Variants in BHMT2 observed in about 807,000 individuals in gnomAD.
BHMT2 encodes the protein betaine--homocysteine S-methyltransferase 2, also known as S-methylmethionine--homocysteine S-methyltransferase BHMT2.
Under a neutral mutation model 39.0 loss-of-function variants are expected in BHMT2, and 28 were observed. The observed-to-expected ratio is 0.72, with a 90% CI of 0.53 to 0.98. The LOEUF is 0.98. Ranked by LOEUF, BHMT2 falls within the 50% of genes least tolerant of loss-of-function variation. The pLI is 0.00. For missense variants in BHMT2, 410 were observed against 455.6 expected, an observed-to-expected ratio of 0.90 and a Z score of 0.91; for synonymous variants, 145 against 160.6, an observed-to-expected ratio of 0.90 and a Z score of 0.74.
Position 79,082,946 on chromosome 5 carries a change from G to A in BHMT2, c.588G>A (p.Leu196=). 1 of 1,614,164 alleles carries A rather than the reference G, an allele frequency of 6.2e-7. No individual in the cohort carries two copies. The highest frequency in any genetic ancestry group is 8.5e-7 in the Non-Finnish European group (1 of 1,180,034). Residue 196 remains leucine (L), a synonymous_variant, in exon 5 of 8, where the codon CTG becomes CTA. Coordinates refer to ENST00000255192, the MANE Select transcript of BHMT2 (RefSeq NM_017614.5). ...DITPGECAVR[L]VKAGASIVGV... Reference sequence around the variant, plus strand: ...CCCCCGGAGAATGTGCTGTGAGGCTGGTGAAGGCAGGTAATTTGGACCCAT... The same window carrying A: ...CCCCCGGAGAATGTGCTGTGAGGCTAGTGAAGGCAGGTAATTTGGACCCAT...
At chr5:79,077,735 A>G in intron 2 of BHMT2, 123 bp downstream of exon 2, 1 of 1,202,466 alleles carries the variant, frequency 8.3e-7, no homozygotes, top group Non-Finnish European at 1.2e-6. Flanking sequence ...AAGATTGCCA[A>G]GATGTGGAGA....
At chr5:79,076,228 G>A (rs1354958748) in intron 1 of BHMT2, among the ~76,000 whole-genome samples, 1 of 152,156 alleles carries the variant, frequency 6.6e-6, no homozygotes, top group East Asian at 1.9e-4. Flanking sequence ...ATTACCCCTG[G>A]CTGAATTCCA....
chr5:79,088,601 A>G lies in BHMT2; in HGVS notation c.*27A>G. On this transcript the variant is annotated 3_prime_UTR_variant, in exon 8 of 8. Coordinates refer to ENST00000255192, the MANE Select transcript of BHMT2 (RefSeq NM_017614.5). ...GAGTAGTGAAAGAAAACCCTGAAATAATCGAACAGGAAAAAGTTGCCCTCA... is the reference window on the plus strand; with the variant it reads ...GAGTAGTGAAAGAAAACCCTGAAATGATCGAACAGGAAAAAGTTGCCCTCA... The G allele has an allele frequency of 6.2e-7, 1 of 1,604,452 alleles. No individual in the cohort carries two copies. Among genetic ancestry groups the G allele is most frequent in the East Asian group, 2.2e-5 (1 of 44,774 alleles).
chr5:79,078,602 C>T (rs1755722834), intron 2 of BHMT2, among the ~76,000 whole-genome samples: 1 of 152,246 alleles, frequency 6.6e-6, no homozygotes, highest in Non-Finnish European at 1.5e-5. Context: ...GGGGGCACAA[C>T]ATGGGCTAGG....
chr5:79,079,967 A>G (rs1006962033), intron 3 of BHMT2, among the ~76,000 whole-genome samples: 2 of 152,238 alleles, frequency 1.3e-5, no homozygotes, highest in Non-Finnish European at 2.9e-5. Flanking sequence ...GGTCAGGACT[A>G]GGGGTAAAAT....
chr5:79,087,819 T>C (rs1445634913), intron 7 of BHMT2, among the ~76,000 whole-genome samples: 1 of 152,206 alleles, frequency 6.6e-6, no homozygotes, highest in Non-Finnish European at 1.5e-5. Context: ...TCTCATTACA[T>C]TAAAATATTG....
rs577745151 is a variant in BHMT2, at chr5:79,078,645, G to A, written c.167-724G>A. 1.1e-4 allele frequency among the ~76,000 whole-genome samples: 16 copies of A among 152,360 alleles called. No individual in the cohort carries two copies. The South Asian group carries it at 3.3e-3, about 32-fold the overall frequency. On this transcript the variant is annotated intron_variant, in intron 2 of 7. Coordinates refer to ENST00000255192, the MANE Select transcript of BHMT2 (RefSeq NM_017614.5). ...ACTCACAAGTTAACCCGTGTGAAGTGCCCGTATCATCAGTACGATGGCCGT... is the reference window on the plus strand; with the variant it reads ...ACTCACAAGTTAACCCGTGTGAAGTACCCGTATCATCAGTACGATGGCCGT...
chr5:79,083,246 C>T lies in BHMT2; in HGVS notation c.653C>T (p.Thr218Met), dbSNP rs60797063. The T allele has an allele frequency of 1.5e-3, 2,345 of 1,614,138 alleles. 9 individuals carry two copies. The highest frequency in any genetic ancestry group is 9.2e-3 in the African/African-American group (690 of 75,040). Residue 218 changes from threonine to methionine, a missense_variant, in exon 6 of 8, where the codon ACG (threonine) becomes ATG (methionine). Thr to Met is a moderately conservative substitution (Grantham distance 81). Coordinates refer to ENST00000255192, the MANE Select transcript of BHMT2 (RefSeq NM_017614.5). ...CRFGPDTSLK[T>M]MELMKEGLEW... ...TTTGGGCCCGACACCAGCTTGAAGA[C>T]GATGGAGCTCATGAAGGAGGGTCTT...
In BHMT2 at chr5:79,082,718, G is replaced by A. The variant is rs113256849; in HGVS notation, c.451-91G>A. Reference sequence around the variant, plus strand: ...TATGCATATGTTTATATTCTATTTGGTAATTTTTATAACTGTTTTGCTATA... The same window carrying A: ...TATGCATATGTTTATATTCTATTTGATAATTTTTATAACTGTTTTGCTATA... On this transcript the variant is annotated intron_variant, in intron 4 of 7. Transcript: ENST00000255192. 24 of 1,449,030 alleles carry A rather than the reference G, an allele frequency of 1.7e-5. 1 individual carries two copies. In the African/African-American group the frequency reaches 2.8e-4, roughly 17 times the overall value. 89.8% of individuals were successfully genotyped at this position (1,449,030 alleles called of 1,614,324 possible).
In BHMT2 at chr5:79,089,562, ATCT is replaced by A. The variant is rs2112708702; in HGVS notation, c.*992_*994del. 1 of 152,314 alleles carries A rather than the reference ATCT, an allele frequency of 6.6e-6. No homozygotes were observed. The highest frequency in any genetic ancestry group is 2.4e-5 in the African/African-American group (1 of 41,582). The allele number at this position is 152,314 out of a possible 1,614,324, so 9.4% of individuals were successfully genotyped here. The stretch of plus-strand genomic sequence containing the variant: ...GACAAGATCACGTGATAAGCTTATA[ATCT>A]TCTCATAATTCCCCTTACTTAGCAT... On this transcript the variant is annotated 3_prime_UTR_variant, in exon 8 of 8. Coordinates refer to ENST00000255192, the MANE Select transcript of BHMT2 (RefSeq NM_017614.5).
At chr5:79,083,528 A>G in intron 6 of BHMT2, 100 bp from the exon 7 acceptor site, 1 of 1,495,392 alleles carries the variant, frequency 6.7e-7, no homozygotes, top group Non-Finnish European at 9.0e-7. Flanking sequence ...TGCATCATCT[A>G]AAGTTTATAG....
At chr5:79,078,736 G>T (rs966237116) in intron 2 of BHMT2, among the ~76,000 whole-genome samples, 1 of 152,218 alleles carries the variant, frequency 6.6e-6, no homozygotes, top group African/African-American at 2.4e-5. Context: ...TTCCTTTGGT[G>T]CTTAACAGGA....
intron 1 of BHMT2, among the ~76,000 whole-genome samples, chr5:79,071,448 AGGG>A (rs772138424): frequency 6.6e-6 from 1 of 152,238 alleles, no homozygotes; most frequent in Non-Finnish European, 1.5e-5. Flanking sequence ...ATCTGCAAAA[AGGG>A]GGCATAAATG....
At chr5:79,088,358 C>CTATG (rs1554040302) in intron 7 of BHMT2, 135 bp from the exon 8 acceptor site, 1 of 303,466 alleles carries the variant, frequency 3.3e-6, no homozygotes, top group East Asian at 6.8e-5. Context: ...CAAGTTTTGA[C>CTATG]TGTGTGTGTG....
At chr5:79,073,889 G>T (rs557603181) in intron 1 of BHMT2, among the ~76,000 whole-genome samples, 13 of 152,134 alleles carry the variant, frequency 8.5e-5, no homozygotes, top group African/African-American at 1.9e-4. Flanking sequence ...TAACCACTTT[G>T]CCAGACTCCT....
intron 1 of BHMT2, among the ~76,000 whole-genome samples, chr5:79,075,659 G>A (rs147843196): frequency 2.6e-5 from 4 of 152,256 alleles, no homozygotes; most frequent in Non-Finnish European, 4.4e-5. Flanking sequence ...AGGAGTGGGT[G>A]GTTTGCATTG....
In BHMT2 at chr5:79,069,828, C is replaced by G. The variant is rs1184870389; in HGVS notation, c.33+13C>G. The G allele has an allele frequency of 7.7e-6, 11 of 1,421,620 alleles. No individual in the cohort carries two copies. The highest frequency in any genetic ancestry group is 9.3e-6 in the Non-Finnish European group (10 of 1,079,738). 88.1% of individuals were successfully genotyped at this position (1,421,620 alleles called of 1,614,324 possible). The stretch of plus-strand genomic sequence containing the variant: ...GGGGGCCAAGAAGGTGAGTTTCGTC[C>G]CCTCGATCCTCGCGGAGCTCCTGGC... On this transcript the variant is annotated intron_variant, in intron 1 of 7. Transcript: ENST00000255192.
intron 4 of BHMT2, among the ~76,000 whole-genome samples, chr5:79,081,820 C>G (rs967813078): frequency 6.6e-6 from 1 of 152,040 alleles, no homozygotes; most frequent in Non-Finnish European, 1.5e-5. Context: ...AGATAGGGCA[C>G]CACTGCACTC....
intron 7 of BHMT2, among the ~76,000 whole-genome samples, chr5:79,084,633 A>G (rs1319310561): frequency 2.0e-5 from 3 of 152,106 alleles, no homozygotes; most frequent in African/African-American, 7.2e-5. Context: ...CCCTAATATC[A>G]TCACACTGGT....
Sources: allele counts gnomAD v4.1 joint callset (sites outside exome capture counted in the v4.1 genomes callset), GRCh38; gene constraint gnomAD v4.1.1; transcripts MANE v1.5; gene names NCBI Gene and HGNC (gene_info 2026-07-23, HGNC 2026-07-21).